PITPNM3: variants seen among roughly 807,000 people sequenced by gnomAD.
PITPNM3 encodes PITPNM family member 3, also known as membrane-associated phosphatidylinositol transfer protein 3.
A neutral mutation model predicts 102.0 loss-of-function variants in PITPNM3; 26 were observed. That is an observed-to-expected ratio of 0.25 (90% CI 0.19 to 0.35). The LOEUF is 0.35. Ranked by LOEUF, PITPNM3 falls within the 10% of genes least tolerant of loss-of-function variation. The pLI is 1.00. For missense variants in PITPNM3, 1,083 were observed against 1,346.1 expected (o/e 0.80, Z 3.06); for synonymous variants, 578 against 558.6 (o/e 1.03, Z -0.49).
intron 15 of PITPNM3, 91 bp from the exon 16 acceptor site, chr17:6,464,409 T>C: frequency 7.2e-7 from 1 of 1,390,828 alleles, no homozygotes; most frequent in South Asian, 1.2e-5. Flanking sequence ...TGGGCTGAGG[T>C]CCCTGCCTGA....
rs181845197 is a variant in PITPNM3 at position 6,454,192 on chromosome 17, A to C, written c.*1146T>G. The C allele has an allele frequency of 5.3e-5, 8 of 152,380 alleles. No homozygotes were observed. Among genetic ancestry groups the C allele is most frequent in the Non-Finnish European group, 1.0e-4 (7 of 68,056 alleles). 9.4% of individuals were successfully genotyped at this position (152,380 alleles called of 1,614,324 possible). ...TCCTGGCAGAGCTGGGGTTATGGGG[A>C]GCCCAATCAGTAACCTTTTGGCAGG... is the stretch of plus-strand genomic sequence containing the variant. On this transcript the variant is annotated 3_prime_UTR_variant, in exon 20 of 20. Coordinates refer to ENST00000262483, the MANE Select transcript of PITPNM3 (RefSeq NM_031220.4).
At chr17:6,500,339 G>A (rs757250454) in intron 4 of PITPNM3, among the ~76,000 whole-genome samples, 5 of 152,208 alleles carry the variant, frequency 3.3e-5, no homozygotes, top group Admixed American at 1.3e-4. Context: ...AAGCCATTGC[G>A]ATTCTTCTTG....
intron 18 of PITPNM3, chr17:6,460,585 T>A (rs1476283581): frequency 6.6e-6 from 1 of 152,474 alleles, no homozygotes; most frequent in Non-Finnish European, 1.5e-5. Context: ...CCAATCAAAC[T>A]TTTTTTATTT....
chr17:6,495,623 G>A (rs561419750), intron 4 of PITPNM3, among the ~76,000 whole-genome samples: 2 of 152,256 alleles, frequency 1.3e-5, no homozygotes, highest in South Asian at 4.1e-4. Flanking sequence ...TGGGGTCCTC[G>A]TGCTCACCGC....
rs1236532562 is a variant in PITPNM3 at position 6,455,645 on chromosome 17, T to TGCGGAGGGCA, written c.2620-12_2620-3dup. On this transcript the variant is annotated splice_polypyrimidine_tract_variant and splice_region_variant and intron_variant, in intron 19 of 19. Coordinates refer to ENST00000262483, the MANE Select transcript of PITPNM3 (RefSeq NM_031220.4). ...TGCGGCGTAGCCCTCGCTCAGGAAC[T>TGCGGAGGGCA]GCGGAGGGCAGGGGAGGGCAGGGGA... is the stretch of plus-strand genomic sequence containing the variant. 6 of 1,421,502 alleles carry TGCGGAGGGCA rather than the reference T, an allele frequency of 4.2e-6. No homozygotes were observed. The highest frequency in any genetic ancestry group is 5.5e-6 in the Non-Finnish European group (6 of 1,092,430). 88.1% of individuals were successfully genotyped at this position (1,421,502 alleles called of 1,614,324 possible). A position where few individuals can be genotyped will look rare whatever the true frequency, so the allele number is the denominator to read the frequency against.
Position 6,468,221 on chromosome 17 carries a change from G to A in PITPNM3, c.1890+4C>T, listed in dbSNP as rs374850419. ...AGCCACATGCGAACTGAGCATGCACGCACCCTCAGCTTGACCTGAGTCCGC... is the reference window on the plus strand; with the variant it reads ...AGCCACATGCGAACTGAGCATGCACACACCCTCAGCTTGACCTGAGTCCGC... On this transcript the variant is annotated splice_donor_region_variant and intron_variant, in intron 14 of 19. Coordinates refer to ENST00000262483, the MANE Select transcript of PITPNM3 (RefSeq NM_031220.4). This position sits in a 1 kb window ranked among gnomAD's most constrained non-coding sequence, Gnocchi z 5.2. 24 of 1,612,076 alleles carry A rather than the reference G, an allele frequency of 1.5e-5. 1 individual carries two copies. Among genetic ancestry groups the A allele is most frequent in the Middle Eastern group, 3.9e-4 (2 of 5,140 alleles).
chr17:6,484,683 T>C (rs1420558598), intron 4 of PITPNM3, among the ~76,000 whole-genome samples: 1 of 152,174 alleles, frequency 6.6e-6, no homozygotes, highest in African/African-American at 2.4e-5. Context: ...CTAGAAGAGC[T>C]GGTGTGATGG....
intron 4 of PITPNM3, among the ~76,000 whole-genome samples, chr17:6,499,194 G>A (rs1427936865): frequency 2.6e-5 from 4 of 152,088 alleles, no homozygotes; most frequent in Non-Finnish European, 5.9e-5. Flanking sequence ...TCAGGCTCAC[G>A]CCAGTGACAG....
At chr17:6,539,780 G>C (rs1351764873) in intron 1 of PITPNM3, among the ~76,000 whole-genome samples, 2 of 152,210 alleles carry the variant, frequency 1.3e-5, no homozygotes, top group Admixed American at 6.5e-5. Flanking sequence ...GAATACGCTA[G>C]ATTAATATAC....
intron 3 of PITPNM3, among the ~76,000 whole-genome samples, chr17:6,515,875 A>G (rs1227346451): frequency 6.6e-6 from 1 of 152,190 alleles, no homozygotes; most frequent in Non-Finnish European, 1.5e-5. Flanking sequence ...TTTAAAAAAC[A>G]AACAAACAAA....
rs747933230 is a variant in PITPNM3, at chr17:6,484,179, T to C, written c.351+37A>G. On this transcript the variant is annotated intron_variant, in intron 5 of 19. Coordinates refer to ENST00000262483, the MANE Select transcript of PITPNM3 (RefSeq NM_031220.4). The stretch of plus-strand genomic sequence containing the variant: ...GGGCTCTTGCTAAAATCCTGGCCTC[T>C]GAGTTGAGCCCAGACACCCTCCGAA... The C allele has an allele frequency of 4.5e-6, 7 of 1,545,516 alleles. No individual in the cohort carries two copies. In the African/African-American group the frequency reaches 9.5e-5, roughly 21 times the overall value.
At position 6,472,971 on chromosome 17, in the gene PITPNM3, C is replaced by T. The variant is rs1402940078; in HGVS notation, c.1259-144G>A. ...CTCCCTGCTCCCCACGGGAACAAAG[C>T]CATTACGTTCAGTTTGTCTCCCCAC... On this transcript the variant is annotated intron_variant, in intron 10 of 19. Transcript: ENST00000262483. This position sits in a 1 kb window ranked among gnomAD's most constrained non-coding sequence, Gnocchi z 4.1. 2.0e-6 allele frequency: 2 copies of T among 1,025,390 alleles called. No homozygotes were observed. Among genetic ancestry groups the T allele is most frequent in the Admixed American group, 2.0e-5 (1 of 49,372 alleles). 63.5% of individuals were successfully genotyped at this position (1,025,390 alleles called of 1,614,324 possible).
chr17:6,483,341 G>A (rs541152126), intron 6 of PITPNM3, among the ~76,000 whole-genome samples, 176 bp downstream of exon 6: 202 of 152,098 alleles, frequency 1.3e-3, no homozygotes, highest in African/African-American at 4.8e-3. Flanking sequence ...CCAGGCCCAG[G>A]CAGAGGACTC....
chr17:6,490,716 G>C (rs1365367268), intron 4 of PITPNM3, among the ~76,000 whole-genome samples: 1 of 151,806 alleles, frequency 6.6e-6, no homozygotes, highest in African/African-American at 2.4e-5. Flanking sequence ...AGTACTTTGG[G>C]AGGCTGAGGT....
chr17:6,485,790 T>C (rs1906056259), intron 4 of PITPNM3, among the ~76,000 whole-genome samples: 1 of 152,284 alleles, frequency 6.6e-6, no homozygotes, highest in South Asian at 2.1e-4. Context: ...GAGCTCTCAT[T>C]TACCTAACAC....
At chr17:6,536,139 G>A (rs913838539) in intron 2 of PITPNM3, among the ~76,000 whole-genome samples, 2 of 152,018 alleles carry the variant, frequency 1.3e-5, no homozygotes, top group East Asian at 1.9e-4. Flanking sequence ...CAACATGGGA[G>A]GAGTGAGAAG....
intron 3 of PITPNM3, among the ~76,000 whole-genome samples, chr17:6,523,698 TG>T (rs1348857849): frequency 3.3e-5 from 5 of 152,168 alleles, no homozygotes; most frequent in Non-Finnish European, 7.4e-5. Flanking sequence ...AGGCCCCCTC[TG>T]GGGTTCTTGG....
chr17:6,467,171 A>G (rs1049159783), intron 14 of PITPNM3, among the ~76,000 whole-genome samples: 2 of 152,180 alleles, frequency 1.3e-5, no homozygotes, highest in African/African-American at 4.8e-5. Flanking sequence ...ACAACGGAAT[A>G]TTATTCAGCC....
At chr17:6,455,664 CAGGGG>C (rs200622459) in intron 19 of PITPNM3, 21 bp from the exon 20 acceptor site, 115 of 1,403,170 alleles carry the variant, frequency 8.2e-5, no homozygotes, top group African/African-American at 1.8e-4. Flanking sequence ...CAGGGGAGGG[CAGGGG>C]AGGGCAGGGC....
Sources: gnomAD v4.1 joint callset for allele counts (sites outside exome capture counted in the v4.1 genomes callset) on GRCh38, gnomAD v4.1.1 for gene constraint, Gnocchi (gnomAD v3.1) non-coding constraint, MANE v1.5 for transcripts, NCBI Gene and HGNC (gene_info 2026-07-23, HGNC 2026-07-21) for gene names.